Variants in DHX34 observed in about 807,000 individuals in gnomAD.
DHX34 encodes DExH-box helicase 34.
In DHX34, 96 loss-of-function variants were observed where a neutral mutation model predicts 111.1. The ratio of observed to expected loss-of-function variants is 0.86; its 90% CI spans 0.73 to 1.02. DHX34 has a LOEUF of 1.02. DHX34 is among the 50% of genes least tolerant of loss of function. The pLI is 0.00. For missense variants in DHX34, 1,560 were observed against 1,579.9 expected, an observed-to-expected ratio of 0.99 and a Z score of 0.21; for synonymous variants, 688 against 670.4, an observed-to-expected ratio of 1.03 and a Z score of -0.41.
intron 1 of DHX34, among the ~76,000 whole-genome samples, chr19:47,352,167 T>A (rs972180453): frequency 3.9e-5 from 6 of 152,190 alleles, no homozygotes; most frequent in Admixed American, 1.3e-4. Flanking sequence ...CCTTCCCTGA[T>A]TCCCAAGCAT....
rs1261048733 is a variant in DHX34, at chr19:47,362,521, G to A, written c.1421G>A (p.Arg474Gln). 2.5e-6 allele frequency: 4 copies of A among 1,605,344 alleles called. No individual in the cohort carries two copies. The highest frequency in any genetic ancestry group is 2.3e-5 in the East Asian group (1 of 44,242). The change falls in exon 6 of 17, where the codon CGG (arginine) becomes CAG (glutamine). Residue 474 changes from arginine to glutamine, a missense_variant. Arg to Gln is a conservative substitution (Grantham distance 43). Transcript: ENST00000328771. ...TACGATCCGCAGGCCAAGCTGCAAC[G>A]GCTGCAGGAGTTCTGGATTAGTCAG... ...MSYDPQAKLQ[R>Q]LQEFWISQAS...
chr19:47,364,358 C>T (rs542105852), intron 6 of DHX34, among the ~76,000 whole-genome samples: 11 of 152,244 alleles, frequency 7.2e-5, no homozygotes, highest in African/African-American at 2.4e-4. Context: ...CACAGGCTCA[C>T]GTGCGGGTGT....
rs1969372125 is a variant in DHX34, at chr19:47,353,905, G to T, written c.705+170G>T. ...CTTGTCTGTGGTCTACATGACAAAG[G>T]AGCTAGCATTAACCAGTGTAGCACT... On this transcript the variant is annotated intron_variant, in intron 2 of 16. Transcript: ENST00000328771. This position sits in a 1 kb window ranked among gnomAD's most constrained non-coding sequence, Gnocchi z 4.6. Among the ~76,000 whole-genome samples the T allele has an allele frequency of 6.6e-6, 1 of 152,204 alleles. No homozygotes were observed. Among genetic ancestry groups the T allele is most frequent in the Non-Finnish European group, 1.5e-5 (1 of 68,036 alleles).
At chr19:47,369,985 A>G (rs1052938653) in intron 7 of DHX34, among the ~76,000 whole-genome samples, 1 of 152,064 alleles carries the variant, frequency 6.6e-6, no homozygotes, top group African/African-American at 2.4e-5. Context: ...ACGCTGTGTC[A>G]TCAGGAATAG....
At chr19:47,369,808 A>G (rs1157051860) in intron 7 of DHX34, among the ~76,000 whole-genome samples, 1 of 152,134 alleles carries the variant, frequency 6.6e-6, no homozygotes, top group Non-Finnish European at 1.5e-5. Context: ...ACTGGGTCCT[A>G]AGTGGCTGAA....
chr19:47,353,408 C>T lies in DHX34; in HGVS notation c.378C>T (p.Pro126=), dbSNP rs528861620. ...CTCAGGGACTGGGCAGGCACTTGCCCGCGGAGAGAGTGGCTGAGTTCCGCC... is the reference window on the plus strand; with the variant it reads ...CTCAGGGACTGGGCAGGCACTTGCCTGCGGAGAGAGTGGCTGAGTTCCGCC... ...RGSQGLGRHL[P]AERVAEFRRA... is the part of the protein sequence containing the mutation. Residue 126 remains proline (P), a synonymous_variant, in exon 2 of 17, where the codon CCC becomes CCT. Coordinates refer to ENST00000328771, the MANE Select transcript of DHX34 (RefSeq NM_014681.6). The surrounding 1 kb of genome is among the most constrained non-coding windows in gnomAD (Gnocchi z 4.6). The T allele has an allele frequency of 3.7e-5, 60 of 1,614,174 alleles. No individual in the cohort carries two copies. Among genetic ancestry groups the T allele is most frequent in the Admixed American group, 5.0e-5 (3 of 60,004 alleles).
Position 47,375,999 on chromosome 19 carries a change from G to C in DHX34, c.2383G>C (p.Glu795Gln), listed in dbSNP as rs775749081. Residue 795 changes from glutamate (E) to glutamine (Q), a missense_variant, in exon 11 of 17, where the codon GAG becomes CAG. Transcript: ENST00000328771. ...CAGCTCAGCCCAGGACCTGAGCCGCGAGCAGCTGGCTCTGCTGAAGCTGGT... is the reference window on the plus strand; with the variant it reads ...CAGCTCAGCCCAGGACCTGAGCCGCCAGCAGCTGGCTCTGCTGAAGCTGGT... Reference protein sequence around the residue: ...AASSAQDLSREQLALLKLVLG... With the variant: ...AASSAQDLSRQQLALLKLVLG... 3.7e-6 allele frequency: 6 copies of C among 1,605,366 alleles called. No homozygotes were observed. The highest frequency in any genetic ancestry group is 4.2e-6 in the Non-Finnish European group (5 of 1,177,684).
At chr19:47,380,722 C>A in intron 14 of DHX34, 94 bp from the exon 15 acceptor site, 1 of 1,554,026 alleles carries the variant, frequency 6.4e-7, no homozygotes, top group Non-Finnish European at 8.7e-7. Context: ...AACTGCAAAG[C>A]CCGAGGGAGG....
chr19:47,353,993 C>T lies in DHX34; in HGVS notation c.705+258C>T, dbSNP rs761815560. 3.9e-5 allele frequency among the ~76,000 whole-genome samples: 6 copies of T among 152,152 alleles called. No homozygotes were observed. The highest frequency in any genetic ancestry group is 2.1e-4 in the South Asian group (1 of 4,824). ...TCACTTTTTTTTTGAGACGGAGTCTCACTCTGTGGCCCAGGCTGGAGTGCA... is the reference window on the plus strand; with the variant it reads ...TCACTTTTTTTTTGAGACGGAGTCTTACTCTGTGGCCCAGGCTGGAGTGCA... On this transcript the variant is annotated intron_variant, in intron 2 of 16. Transcript: ENST00000328771. This position sits in a 1 kb window ranked among gnomAD's most constrained non-coding sequence, Gnocchi z 4.6.
chr19:47,382,293 C>CT lies in DHX34; in HGVS notation c.*181dup. On this transcript the variant is annotated 3_prime_UTR_variant, in exon 17 of 17. Transcript: ENST00000328771. ...CACATGCTGATACACACTGTTAGGC[C>CT]TGCACCTGCCCATCCAGAAAGCAGC... 9.3e-7 allele frequency: 1 copy of CT among 1,073,070 alleles called. No homozygotes were observed. 66.5% of individuals were successfully genotyped at this position (1,073,070 alleles called of 1,614,324 possible). A position where few individuals can be genotyped will look rare whatever the true frequency, so the allele number is the denominator to read the frequency against.
chr19:47,352,054 C>T (rs1012463023), intron 1 of DHX34, among the ~76,000 whole-genome samples: 2 of 152,226 alleles, frequency 1.3e-5, no homozygotes, highest in Non-Finnish European at 2.9e-5. Flanking sequence ...TATCACACCT[C>T]TCTCCTATTA....
chr19:47,373,626 C>G lies in DHX34; in HGVS notation c.1990C>G (p.Arg664Gly), dbSNP rs763220317. 164 of 1,613,780 alleles carry G rather than the reference C, an allele frequency of 1.0e-4. 2 individuals carry two copies. In the Admixed American group the frequency reaches 2.7e-3, roughly 27 times the overall value. The stretch of plus-strand genomic sequence containing the variant: ...GAAATCTGAACGGAGCAGAAACTCT[C>G]GCAAGTGGTGCCGCCGCCGGGGCAT... ...QVKSERSRNS[R>G]KWCRRRGIEE... is the part of the protein sequence containing the mutation. The change falls in exon 9 of 17, where the codon CGC (arginine) becomes GGC (glycine). Residue 664 changes from arginine to glycine, a missense_variant. Transcript: ENST00000328771.
chr19:47,382,525 T>G lies in DHX34; in HGVS notation c.*412T>G. 1 of 173,852 alleles carries G rather than the reference T, an allele frequency of 5.8e-6. No homozygotes were observed. The highest frequency in any genetic ancestry group is 1.2e-5 in the Non-Finnish European group (1 of 81,320). The allele number at this position is 173,852 out of a possible 1,614,324, so 10.8% of individuals were successfully genotyped here. A position where few individuals can be genotyped will look rare whatever the true frequency, so the allele number is the denominator to read the frequency against. ...CCTACCCCTTGAAGTAGGGGGACCC[T>G]GAATTTGCCCATCCACCTGGGTCAC... is the stretch of plus-strand genomic sequence containing the variant. On this transcript the variant is annotated 3_prime_UTR_variant, in exon 17 of 17. Transcript: ENST00000328771.
At chr19:47,376,197 G>A (rs1442012826) in intron 11 of DHX34, 100 bp downstream of exon 11, 1 of 1,483,306 alleles carries the variant, frequency 6.7e-7, no homozygotes, top group African/African-American at 1.4e-5. Flanking sequence ...AAACAACCCT[G>A]GTTCTGTCCC....
In DHX34 at chr19:47,381,295, GC is replaced by G. The variant is rs751990252; in HGVS notation, c.3274del (p.Gln1092ArgfsTer65). 14 of 1,613,836 alleles carry G rather than the reference GC, an allele frequency of 8.7e-6. No individual in the cohort carries two copies. Among genetic ancestry groups the G allele is most frequent in the Non-Finnish European group, 1.0e-5 (12 of 1,179,898 alleles). ...GAGCGCATCGCCCATGAGAACACCT[GC>G]CCCCAGGCCCCACAGGATGGGCCCC... is the stretch of plus-strand genomic sequence containing the variant. ...PLERIAHENT[C>X]PQAPQDGPPG... On this transcript the variant is annotated frameshift_variant, in exon 16 of 17. Coordinates refer to ENST00000328771, the MANE Select transcript of DHX34 (RefSeq NM_014681.6). LOFTEE classifies it low-confidence loss of function (END_TRUNC).
At position 47,362,688 on chromosome 19, in the gene DHX34, C is replaced by T; in HGVS notation, c.1588C>T (p.Leu530=). 1 of 1,611,264 alleles carries T rather than the reference C, an allele frequency of 6.2e-7. No homozygotes were observed. The highest frequency in any genetic ancestry group is 8.5e-7 in the Non-Finnish European group (1 of 1,179,256). The change falls in exon 6 of 17, where the codon CTG becomes TTG. Residue 530 remains leucine, a synonymous_variant. Coordinates refer to ENST00000328771, the MANE Select transcript of DHX34 (RefSeq NM_014681.6). ...IRRVALDSLV[L]QMKSMSVGDP... ...GAGGGTGGCCCTGGACTCGTTGGTG[C>T]TGCAGGTGAGGCATGGGCAGAAAGG...
At chr19:47,349,857 T>G (rs1017151220) in intron 1 of DHX34, among the ~76,000 whole-genome samples, 1 of 151,274 alleles carries the variant, frequency 6.6e-6, no homozygotes, top group African/African-American at 2.4e-5. Flanking sequence ...ATGGAGACAG[T>G]TGAAATAGGA....
At chr19:47,379,599 C>T (rs1970284399) in intron 13 of DHX34, 111 bp from the exon 14 acceptor site, 1 of 1,485,884 alleles carries the variant, frequency 6.7e-7, no homozygotes, top group South Asian at 1.4e-5. Flanking sequence ...AGGTGGATGC[C>T]TCACATAGAC....
chr19:47,359,822 G>A (rs1969570783), intron 4 of DHX34, 146 bp from the exon 5 acceptor site: 1 of 1,490,538 alleles, frequency 6.7e-7, no homozygotes, highest in Non-Finnish European at 8.9e-7. Context: ...TGATGGGGTG[G>A]ACGGTGAGCC....
Sources: gnomAD v4.1 joint callset for allele counts (sites outside exome capture counted in the v4.1 genomes callset) on GRCh38, gnomAD v4.1.1 for gene constraint, Gnocchi (gnomAD v3.1) non-coding constraint, MANE v1.5 for transcripts, NCBI Gene and HGNC (gene_info 2026-07-23, HGNC 2026-07-21) for gene names.